ABAT: variants seen among roughly 807,000 people sequenced by gnomAD.
ABAT encodes the protein 4-aminobutyrate aminotransferase.
A neutral mutation model predicts 64.6 loss-of-function variants in ABAT; 45 were observed. That is an observed-to-expected ratio of 0.70 (90% confidence interval 0.55 to 0.89). The LOEUF is 0.89. ABAT is among the 40% of genes least tolerant of loss of function. The pLI is 0.00. For missense variants in ABAT, 633 were observed against 658.4 expected (o/e 0.96, Z 0.42); for synonymous variants, 297 against 250.5 (o/e 1.19, Z -1.75).
At chr16:8,755,200 G>A (rs907830921) in intron 5 of ABAT, among the ~76,000 whole-genome samples, 4 of 152,072 alleles carry the variant, frequency 2.6e-5, no homozygotes, top group African/African-American at 9.7e-5. Flanking sequence ...TGGCTGCCAT[G>A]GGTGTACTAA....
At chr16:8,719,657 A>G (rs1338801889) in intron 1 of ABAT, among the ~76,000 whole-genome samples, 1 of 152,178 alleles carries the variant, frequency 6.6e-6, no homozygotes, top group Non-Finnish European at 1.5e-5. Flanking sequence ...TTAGCAGCTC[A>G]TCAGGCCATA....
chr16:8,728,496 TAC>T (rs1246065174), intron 1 of ABAT, among the ~76,000 whole-genome samples: 1 of 152,170 alleles, frequency 6.6e-6, no homozygotes, highest in Admixed American at 6.5e-5. Flanking sequence ...CTGCACTTTC[TAC>T]ACAGTTACTC....
At chr16:8,716,896 T>C (rs1215853022) in intron 1 of ABAT, among the ~76,000 whole-genome samples, 1 of 152,246 alleles carries the variant, frequency 6.6e-6, no homozygotes, top group Admixed American at 6.5e-5. Flanking sequence ...ATCTGAGACG[T>C]GGCTATTCTA....
At chr16:8,690,165 G>A (rs2057547349) in intron 1 of ABAT, among the ~76,000 whole-genome samples, 1 of 152,150 alleles carries the variant, frequency 6.6e-6, no homozygotes, top group African/African-American at 2.4e-5. Context: ...CAGTTTTACT[G>A]TGCAGTCAGC....
chr16:8,766,774 G>A (rs2059958588), intron 9 of ABAT, among the ~76,000 whole-genome samples: 1 of 152,192 alleles, frequency 6.6e-6, no homozygotes, highest in South Asian at 2.1e-4. Context: ...TTCCAGACCA[G>A]CCTGGCCAAT....
intron 5 of ABAT, among the ~76,000 whole-genome samples, chr16:8,754,479 T>C (rs2059585455): frequency 6.6e-6 from 1 of 152,192 alleles, no homozygotes; most frequent in Non-Finnish European, 1.5e-5. Context: ...TCCATGCTAC[T>C]GCAGCGATTG....
Position 8,747,518 on chromosome 16 carries a change from T to A in ABAT, c.169-590T>A, listed in dbSNP as rs1301002288. On this transcript the variant is annotated intron_variant, in intron 3 of 15. Transcript: ENST00000268251. ...ATTCTTGGAATACTTTTTCATATTC[T>A]TGTCATGAATATTATCCTGTATTTT... Among the ~76,000 whole-genome samples, 4 of 152,196 alleles carry A rather than the reference T, an allele frequency of 2.6e-5. No homozygotes were observed. The East Asian group carries it at 7.7e-4, about 29-fold the overall frequency.
At chr16:8,757,133 G>C in intron 5 of ABAT, 1 of 454,972 alleles carries the variant, frequency 2.2e-6, no homozygotes, top group Non-Finnish European at 4.4e-6. Flanking sequence ...TCCCCAGCCA[G>C]CCCCAGGCTT....
rs4445904 is a variant in ABAT, at chr16:8,688,209, A to G, written c.-42+13498A>G. On this transcript the variant is annotated intron_variant, in intron 1 of 15. Transcript: ENST00000268251. Reference sequence around the variant, plus strand: ...CCCGGCCAAAAGTTGAATGCTTCCTACCTACAAGACACTGGGTAACACTGG... The same window carrying G: ...CCCGGCCAAAAGTTGAATGCTTCCTGCCTACAAGACACTGGGTAACACTGG... Among the ~76,000 whole-genome samples the G allele has an allele frequency of 5.8e-3, 875 of 152,120 alleles. 11 individuals carry two copies. Among genetic ancestry groups the G allele is most frequent in the African/African-American group, 0.02 (841 of 41,510 alleles).
intron 2 of ABAT, among the ~76,000 whole-genome samples, chr16:8,743,454 TTATAA>T (rs1273205328): frequency 4.2e-5 from 6 of 141,690 alleles, no homozygotes; most frequent in Middle Eastern, 3.3e-3. Context: ...TACACACATT[TTATAA>T]TATATTATAT....
intron 1 of ABAT, among the ~76,000 whole-genome samples, chr16:8,733,234 G>A (rs1445555606): frequency 6.6e-6 from 1 of 151,510 alleles, no homozygotes; most frequent in Non-Finnish European, 1.5e-5. Context: ...TCTCAGACGG[G>A]GCGGCCGGGC....
chr16:8,773,545 T>C (rs942400331), intron 12 of ABAT, among the ~76,000 whole-genome samples: 3 of 152,188 alleles, frequency 2.0e-5, no homozygotes, highest in Admixed American at 6.5e-5. Context: ...CCTAAAATAT[T>C]TATCATCTCT....
intron 12 of ABAT, 120 bp from the exon 13 acceptor site, chr16:8,774,770 T>C: frequency 1.6e-6 from 2 of 1,262,686 alleles, no homozygotes; most frequent in Non-Finnish European, 2.3e-6. Context: ...TGGTTTGCTC[T>C]TCAGAAAACA....
At chr16:8,732,196 G>A (rs201439803) in intron 1 of ABAT, among the ~76,000 whole-genome samples, 3 of 18,718 alleles carry the variant, frequency 1.6e-4, no homozygotes, top group Non-Finnish European at 5.1e-4. Context: ...GGTTTTTTTT[G>A]TTTTTTTTTT....
Position 8,776,234 on chromosome 16 carries a change from C to T in ABAT, c.1123-110C>T. On this transcript the variant is annotated intron_variant, in intron 13 of 15. Coordinates refer to ENST00000268251, the MANE Select transcript of ABAT (RefSeq NM_020686.6). The surrounding 1 kb of genome is among the most constrained non-coding windows in gnomAD (Gnocchi z 4.4). ...CCTGCCAGCCTCTGGTAGATGCCCACTAGATTAGTTTCTCTCCTCTTCAAG... is the reference window on the plus strand; with the variant it reads ...CCTGCCAGCCTCTGGTAGATGCCCATTAGATTAGTTTCTCTCCTCTTCAAG... 1 of 1,473,392 alleles carries T rather than the reference C, an allele frequency of 6.8e-7. No individual in the cohort carries two copies. Among genetic ancestry groups the T allele is most frequent in the Non-Finnish European group, 9.4e-7 (1 of 1,062,440 alleles). The allele number at this position is 1,473,392 out of a possible 1,614,324, so 91.3% of individuals were successfully genotyped here.
At chr16:8,729,118 A>C (rs1217130458) in intron 1 of ABAT, among the ~76,000 whole-genome samples, 1 of 149,812 alleles carries the variant, frequency 6.7e-6, no homozygotes, top group Non-Finnish European at 1.5e-5. Context: ...ACCATCCTTC[A>C]CAACGTGAGA....
At chr16:8,743,048 C>A (rs1007374508) in intron 2 of ABAT, among the ~76,000 whole-genome samples, 3 of 146,490 alleles carry the variant, frequency 2.0e-5, no homozygotes, top group African/African-American at 7.5e-5. Flanking sequence ...TGTTCTAGGA[C>A]CTTTAGCTCT....
chr16:8,692,964 C>T (rs1275079202), intron 1 of ABAT, among the ~76,000 whole-genome samples: 3 of 152,172 alleles, frequency 2.0e-5, no homozygotes, highest in African/African-American at 4.8e-5. Context: ...AATGATTCTC[C>T]TGCCTCAGCC....
chr16:8,730,209 G>T (rs947192542), intron 1 of ABAT, among the ~76,000 whole-genome samples: 1 of 152,164 alleles, frequency 6.6e-6, no homozygotes, highest in African/African-American at 2.4e-5. Context: ...GGTAAGGACG[G>T]CCTCTAATTG....
Sources: allele counts gnomAD v4.1 joint callset (sites outside exome capture counted in the v4.1 genomes callset), GRCh38; gene constraint gnomAD v4.1.1; non-coding constraint Gnocchi (gnomAD v3.1); transcripts MANE v1.5; gene names NCBI Gene and HGNC (gene_info 2026-07-23, HGNC 2026-07-21).